MEIS2: variants seen among roughly 807,000 people sequenced by gnomAD.
The protein encoded by MEIS2 is homeobox protein Meis2.
MEIS2 carries 9 observed loss-of-function variants against 58.6 expected under a neutral mutation model. That is an observed-to-expected ratio of 0.15 (90% confidence interval 0.09 to 0.27). The LOEUF (loss-of-function observed/expected upper bound fraction) is 0.27. Among genes scored for constraint, MEIS2 ranks in the 10% least tolerant of loss-of-function variants. MEIS2 has a pLI of 1.00. For synonymous variants in MEIS2, 221 were observed against 228.4 expected, an observed-to-expected ratio of 0.97 and a Z score of 0.29; for missense variants, 427 against 635.0, an observed-to-expected ratio of 0.67 and a Z score of 3.52.
intron 8 of MEIS2, among the ~76,000 whole-genome samples, chr15:37,028,257 T>G (rs1245574033): frequency 6.6e-6 from 1 of 152,182 alleles, no homozygotes; most frequent in Non-Finnish European, 1.5e-5. Context: ...GACTATGCAT[T>G]TCATTACCCC....
chr15:36,985,240 T>C (rs932704573), intron 8 of MEIS2, among the ~76,000 whole-genome samples: 1 of 152,184 alleles, frequency 6.6e-6, no homozygotes, highest in African/African-American at 2.4e-5. Flanking sequence ...TGGACCATCA[T>C]GGGAGATTTA....
intron 9 of MEIS2, among the ~76,000 whole-genome samples, chr15:36,927,535 G>C (rs1279739383): frequency 1.3e-5 from 2 of 152,208 alleles, no homozygotes; most frequent in African/African-American, 4.8e-5. Context: ...TTTGAAAGGA[G>C]ATGTTATGTA....
intron 7 of MEIS2, among the ~76,000 whole-genome samples, chr15:37,075,417 A>T (rs1891271599): frequency 6.6e-6 from 1 of 152,100 alleles, no homozygotes; most frequent in African/African-American, 2.4e-5. Context: ...TAATGAATAC[A>T]ACATAAGTTC....
At chr15:37,025,424 A>T (rs1396061908) in intron 8 of MEIS2, among the ~76,000 whole-genome samples, 2 of 152,184 alleles carry the variant, frequency 1.3e-5, no homozygotes, top group Non-Finnish European at 2.9e-5. Flanking sequence ...TCTGGTATAT[A>T]TATAACCTTA....
chr15:36,996,326 C>A (rs1443786561), intron 8 of MEIS2, among the ~76,000 whole-genome samples: 1 of 152,130 alleles, frequency 6.6e-6, no homozygotes, highest in East Asian at 1.9e-4. Context: ...GAATGTGGGG[C>A]AGCTTTGGGG....
intron 8 of MEIS2, among the ~76,000 whole-genome samples, chr15:37,033,808 C>T (rs151182312): frequency 1.3e-5 from 2 of 152,232 alleles, no homozygotes; most frequent in African/African-American, 4.8e-5. Context: ...GGTTTCTGAG[C>T]TCAGAATTAC....
chr15:36,896,999 C>T, intron 9 of MEIS2: 2 of 266,898 alleles, frequency 7.5e-6, no homozygotes, highest in South Asian at 6.0e-5. Context: ...TTAAAGTTCA[C>T]AGGCTGGAAG....
intron 8 of MEIS2, among the ~76,000 whole-genome samples, chr15:37,001,874 T>A (rs2060741878): frequency 6.6e-6 from 1 of 152,218 alleles, no homozygotes; most frequent in Non-Finnish European, 1.5e-5. Context: ...ATTATTAAAA[T>A]CTGAATAGCA....
At chr15:36,912,943 A>T (rs1006738826) in intron 9 of MEIS2, among the ~76,000 whole-genome samples, 4 of 152,152 alleles carry the variant, frequency 2.6e-5, no homozygotes, top group Admixed American at 2.0e-4. Flanking sequence ...AAGGGCTTGA[A>T]GGTTTTTAAT....
chr15:37,093,883 A>G (rs1277641068), intron 5 of MEIS2, 153 bp from the exon 6 acceptor site: 3 of 920,616 alleles, frequency 3.3e-6, no homozygotes, highest in Non-Finnish European at 5.0e-6. Flanking sequence ...TAAAGGGTGT[A>G]ATAGTTGAAG....
At chr15:37,079,828 AAGATT>A (rs1204472666) in intron 7 of MEIS2, among the ~76,000 whole-genome samples, 2 of 152,134 alleles carry the variant, frequency 1.3e-5, no homozygotes, top group African/African-American at 4.8e-5. Context: ...TGTGTCCTGA[AAGATT>A]AGAGCAATAT....
At chr15:36,989,543 C>T (rs1323409750) in intron 8 of MEIS2, among the ~76,000 whole-genome samples, 1 of 152,132 alleles carries the variant, frequency 6.6e-6, no homozygotes, top group African/African-American at 2.4e-5. Context: ...CTGCCTTAGG[C>T]CCAGATATGG....
intron 9 of MEIS2, among the ~76,000 whole-genome samples, chr15:36,934,624 T>C (rs1371292605): frequency 1.3e-5 from 2 of 152,234 alleles, no homozygotes; most frequent in African/African-American, 4.8e-5. Context: ...GGCTTTGTGA[T>C]GTTTGTTATG....
intron 9 of MEIS2, among the ~76,000 whole-genome samples, chr15:36,947,110 A>G (rs1184768456): frequency 6.6e-6 from 1 of 151,990 alleles, no homozygotes; most frequent in Non-Finnish European, 1.5e-5. Flanking sequence ...AGGTGCACAC[A>G]TTGAAGATCT....
chr15:37,014,850 T>C (rs1305983304), intron 8 of MEIS2, among the ~76,000 whole-genome samples: 16 of 152,192 alleles, frequency 1.1e-4, no homozygotes, highest in Non-Finnish European at 1.9e-4. Context: ...TAAGGGTTTT[T>C]TTTTTTTTTT....
chr15:37,095,550 A>G lies in MEIS2; in HGVS notation c.438+14T>C. On this transcript the variant is annotated intron_variant, in intron 4 of 11. Transcript: ENST00000561208. ...GGCAAAGGCTGGGGAAAAACAAGGA[A>G]CAGAGAGCCTTACCAAATTGTCCAG... is the stretch of plus-strand genomic sequence containing the variant. The G allele has an allele frequency of 6.2e-7, 1 of 1,614,136 alleles. No homozygotes were observed. The highest frequency in any genetic ancestry group is 8.5e-7 in the Non-Finnish European group (1 of 1,180,002).
At chr15:37,060,526 C>T (rs1179187586) in intron 7 of MEIS2, among the ~76,000 whole-genome samples, 10 of 151,912 alleles carry the variant, frequency 6.6e-5, no homozygotes. Flanking sequence ...TATCTGTAAC[C>T]CCTGAACGTG....
chr15:36,899,731 A>G (rs2056372621), intron 9 of MEIS2, among the ~76,000 whole-genome samples: 1 of 152,248 alleles, frequency 6.6e-6, no homozygotes, highest in African/African-American at 2.4e-5. Context: ...GTTCAAAGAC[A>G]AAAGACTTGT....
intron 7 of MEIS2, among the ~76,000 whole-genome samples, chr15:37,076,817 C>T (rs1891480230): frequency 6.6e-6 from 1 of 151,992 alleles, no homozygotes; most frequent in South Asian, 2.1e-4. Context: ...TAATAAAATC[C>T]CAGTTCAGGC....
Sources: gnomAD v4.1 joint callset for allele counts (sites outside exome capture counted in the v4.1 genomes callset) on GRCh38, gnomAD v4.1.1 for gene constraint, MANE v1.5 for transcripts, NCBI Gene and HGNC (gene_info 2026-07-23, HGNC 2026-07-21) for gene names.